Variants in ZNF518B observed in about 807,000 individuals in gnomAD.
The protein encoded by ZNF518B is zinc finger protein 518B.
Under a neutral mutation model 56.3 loss-of-function variants are expected in ZNF518B, and 23 were observed. That is an observed-to-expected ratio of 0.41 (90% CI 0.29 to 0.58). The LOEUF (loss-of-function observed/expected upper bound fraction) is 0.58, where lower values mean the gene tolerates loss of function less well. ZNF518B is among the 20% of genes least tolerant of loss of function. ZNF518B has a pLI of 0.32. For missense variants in ZNF518B, 1,460 were observed against 1,272.1 expected, an observed-to-expected ratio of 1.15 and a Z score of -2.25; for synonymous variants, 529 against 465.9, an observed-to-expected ratio of 1.14 and a Z score of -1.74.
chr4:10,444,728 G>C lies in ZNF518B; in HGVS notation c.1601C>G (p.Pro534Arg), dbSNP rs752835515. Reference sequence around the variant, plus strand: ...TTCTCCAGAGAAGGAACAGGTTGCAGGTGATGCAGCAAATGGGAGTAACTG... The same window carrying C: ...TTCTCCAGAGAAGGAACAGGTTGCACGTGATGCAGCAAATGGGAGTAACTG... ...SQQLLPFAAS[P>R]ATCSFSGEKG... is the part of the protein sequence containing the mutation. The change falls in exon 3 of 3, where the codon CCT (proline) becomes CGT (arginine). Residue 534 changes from proline (P) to arginine (R), a missense_variant. Transcript: ENST00000326756. 3 of 1,614,188 alleles carry C rather than the reference G, an allele frequency of 1.9e-6. No individual in the cohort carries two copies. The highest frequency in any genetic ancestry group is 1.1e-5 in the South Asian group (1 of 91,082).
At chr4:10,460,328 A>C (rs1401301520), upstream of ZNF518B, among the ~76,000 whole-genome samples, 21 of 142,490 alleles carry the variant, frequency 1.5e-4, no homozygotes, top group Admixed American at 4.8e-4. Flanking sequence ...AAAAAACCAA[A>C]AAAAAAAAAA....
Position 10,445,057 on chromosome 4 carries a change from T to A in ZNF518B, c.1272A>T (p.Ser424=). Residue 424 remains serine (S), a synonymous_variant, in exon 3 of 3, where the codon TCA becomes TCT. Transcript: ENST00000326756. ...TCACATTTTTAAGCTGTTTCTGAAC[T>A]GAAGGTTGAAAACTATCAATGCCTA... The part of the protein sequence containing the change: ...KLVGIDSFQP[S]VQKQLKNVKW... 6.2e-7 allele frequency: 1 copy of A among 1,614,240 alleles called. No homozygotes were observed.
chr4:10,444,716 G>T lies in ZNF518B; in HGVS notation c.1613C>A (p.Ser538Tyr). The T allele has an allele frequency of 1.9e-6, 3 of 1,614,146 alleles. No individual in the cohort carries two copies. In the South Asian group the frequency reaches 3.3e-5, roughly 18 times the overall value. ...LPFAASPATCSFSGEKGLLPV... is the reference protein window; with the variant it reads ...LPFAASPATCYFSGEKGLLPV... ...CAATAAGCCCTTTTCTCCAGAGAAGGAACAGGTTGCAGGTGATGCAGCAAA... is the reference window on the plus strand; with the variant it reads ...CAATAAGCCCTTTTCTCCAGAGAAGTAACAGGTTGCAGGTGATGCAGCAAA... Residue 538 changes from serine (S) to tyrosine (Y), a missense_variant, in exon 3 of 3, where the codon TCC becomes TAC. Physicochemically the swap from Ser to Tyr is moderately radical, Grantham distance 144. Coordinates refer to ENST00000326756, the MANE Select transcript of ZNF518B (RefSeq NM_053042.3).
chr4:10,443,089 A>G lies in ZNF518B; in HGVS notation c.*15T>C. 1 of 1,595,140 alleles carries G rather than the reference A, an allele frequency of 6.3e-7. No individual in the cohort carries two copies. The highest frequency in any genetic ancestry group is 8.5e-7 in the Non-Finnish European group (1 of 1,170,996). On this transcript the variant is annotated 3_prime_UTR_variant, in exon 3 of 3. Transcript: ENST00000326756. The stretch of plus-strand genomic sequence containing the variant: ...TAAACTAAAAGATAACTTGCTTTAA[A>G]GAGTAACTGTTTACTTATTTGCCCT...
At position 10,441,708 on chromosome 4, in the gene ZNF518B, C is replaced by T. The variant is rs2108980723; in HGVS notation, c.*1396G>A. ...GCACTGACCCAGCCACCTATCTGCC[C>T]AAGAGGCTGTGCTTGTGCAGGGGGT... On this transcript the variant is annotated 3_prime_UTR_variant, in exon 3 of 3. Transcript: ENST00000326756. The T allele has an allele frequency of 6.6e-6, 1 of 152,394 alleles. No individual in the cohort carries two copies. Among genetic ancestry groups the T allele is most frequent in the East Asian group, 1.9e-4 (1 of 5,180 alleles). 9.4% of individuals were successfully genotyped at this position (152,394 alleles called of 1,614,324 possible). A position where few individuals can be genotyped will look rare whatever the true frequency, so the allele number is the denominator to read the frequency against.
At position 10,443,826 on chromosome 4, in the gene ZNF518B, T is replaced by C. The variant is rs145124580; in HGVS notation, c.2503A>G (p.Met835Val). 6.2e-7 allele frequency: 1 copy of C among 1,614,228 alleles called. No homozygotes were observed. The highest frequency in any genetic ancestry group is 1.3e-5 in the African/African-American group (1 of 75,056). The change falls in exon 3 of 3, where the codon ATG becomes GTG. Residue 835 changes from methionine (M) to valine (V), a missense_variant. Physicochemically the swap from Met to Val is conservative, Grantham distance 21. Coordinates refer to ENST00000326756, the MANE Select transcript of ZNF518B (RefSeq NM_053042.3). The part of the protein sequence containing the change: ...PLRSERGPID[M>V]SPNIETPLRP... ...AGAGGTGTCTCGATATTTGGGGACA[T>C]ATCTATTGGCCCCCTTTCACTTCTT...
Position 10,445,955 on chromosome 4 carries a change from A to G in ZNF518B, c.374T>C (p.Phe125Ser), listed in dbSNP as rs759225798. 6.2e-7 allele frequency: 1 copy of G among 1,614,158 alleles called. No individual in the cohort carries two copies. The highest frequency in any genetic ancestry group is 8.5e-7 in the Non-Finnish European group (1 of 1,180,028). ...GCCTGGCTTAAAGTTCCTTACCTTA[A>G]ATTTGCTATTGACAGAACTTGAGAA... Reference protein sequence around the residue: ...ENFSSSVNSKFKVRNFKPGKY... With the variant: ...ENFSSSVNSKSKVRNFKPGKY... The change falls in exon 3 of 3, where the codon TTT (phenylalanine) becomes TCT (serine). Residue 125 changes from phenylalanine to serine, a missense_variant. Coordinates refer to ENST00000326756, the MANE Select transcript of ZNF518B (RefSeq NM_053042.3).
Position 10,440,288 on chromosome 4 carries a change from G to C in ZNF518B, c.*2816C>G, listed in dbSNP as rs11552369. ...TCTATCAGAGTATACTTTGGGTCAG[G>C]TTTTTTTTTTTTAACTTTTACTGTA... On this transcript the variant is annotated 3_prime_UTR_variant, in exon 3 of 3. Coordinates refer to ENST00000326756, the MANE Select transcript of ZNF518B (RefSeq NM_053042.3). The C allele has an allele frequency of 4.7e-4, 71 of 149,912 alleles. No homozygotes were observed. The highest frequency in any genetic ancestry group is 1.3e-3 in the African/African-American group (53 of 40,574). 9.3% of individuals were successfully genotyped at this position (149,912 alleles called of 1,614,324 possible).
chr4:10,440,855 G>A lies in ZNF518B; in HGVS notation c.*2249C>T, dbSNP rs1714642108. 1 of 152,044 alleles carries A rather than the reference G, an allele frequency of 6.6e-6. No homozygotes were observed. The highest frequency in any genetic ancestry group is 2.1e-4 in the South Asian group (1 of 4,826). 9.4% of individuals were successfully genotyped at this position (152,044 alleles called of 1,614,324 possible). ...GTGAGGAATAGGAGATAAAAAAGTG[G>A]CAAACAAAACAAAACAAAAAAAAAC... On this transcript the variant is annotated 3_prime_UTR_variant, in exon 3 of 3. Coordinates refer to ENST00000326756, the MANE Select transcript of ZNF518B (RefSeq NM_053042.3).
chr4:10,460,678 G>T (rs1421288980), upstream of ZNF518B, among the ~76,000 whole-genome samples: 1 of 152,152 alleles, frequency 6.6e-6, no homozygotes, highest in Non-Finnish European at 1.5e-5. Context: ...GGGAGCTTGG[G>T]GCTCAGAGGA....
chr4:10,452,542 GGAT>G (rs944644204), intron 2 of ZNF518B: 2 of 152,132 alleles, frequency 1.3e-5, no homozygotes, highest in African/African-American at 2.4e-5. Flanking sequence ...TTCCCCAGTA[GGAT>G]GATATTGAGG....
intron 2 of ZNF518B, among the ~76,000 whole-genome samples, chr4:10,449,103 A>G (rs1715193829): frequency 6.6e-6 from 1 of 152,226 alleles, no homozygotes; most frequent in Non-Finnish European, 1.5e-5. Context: ...AAAACGGAAA[A>G]GCTGCAGCAG....
chr4:10,455,962 A>C (rs1715508088), intron 1 of ZNF518B, among the ~76,000 whole-genome samples: 1 of 152,222 alleles, frequency 6.6e-6, no homozygotes, highest in Admixed American at 6.5e-5. Flanking sequence ...TACTGACATC[A>C]TATGCTGGGC....
At position 10,446,432 on chromosome 4, in the gene ZNF518B, C is replaced by T; in HGVS notation, c.-104G>A. The stretch of plus-strand genomic sequence containing the variant: ...ATACAGTTTGTGATGGGTAGGGGCG[C>T]AGCTACTTCTTGGGTGCATACTTAA... On this transcript the variant is annotated 5_prime_UTR_variant, in exon 3 of 3. Coordinates refer to ENST00000326756, the MANE Select transcript of ZNF518B (RefSeq NM_053042.3). 9.1e-7 allele frequency: 1 copy of T among 1,094,574 alleles called. No individual in the cohort carries two copies. The highest frequency in any genetic ancestry group is 1.3e-6 in the Non-Finnish European group (1 of 750,330). The allele number at this position is 1,094,574 out of a possible 1,614,324, so 67.8% of individuals were successfully genotyped here. A position where few individuals can be genotyped will look rare whatever the true frequency, so the allele number is the denominator to read the frequency against.
At chr4:10,447,367 A>C (rs1478032137) in intron 2 of ZNF518B, among the ~76,000 whole-genome samples, 2 of 152,100 alleles carry the variant, frequency 1.3e-5, no homozygotes, top group Non-Finnish European at 2.9e-5. Context: ...CTGAGCAGAG[A>C]CCTGGGGGCA....
upstream of ZNF518B, chr4:10,457,444 G>A (rs1409599747): frequency 2.6e-5 from 4 of 152,176 alleles, no homozygotes; most frequent in Non-Finnish European, 5.9e-5. Context: ...CCCCGCGCGT[G>A]CGCAATGTGA....
rs1242227185 is a variant in ZNF518B at position 10,446,478 on chromosome 4, C to A, written c.-150G>T. On this transcript the variant is annotated 5_prime_UTR_variant, in exon 3 of 3. Transcript: ENST00000326756. ...CTTAATTATCTTTCTTTATATACTG[C>A]CGCAGTAGGTGCATGATCCCAAAAT... 4 of 708,676 alleles carry A rather than the reference C, an allele frequency of 5.6e-6. No individual in the cohort carries two copies. In the African/African-American group the frequency reaches 7.1e-5, roughly 13 times the overall value. The allele number at this position is 708,676 out of a possible 1,614,324, so 43.9% of individuals were successfully genotyped here.
chr4:10,459,170 G>T (rs113503295), upstream of ZNF518B, among the ~76,000 whole-genome samples: 101 of 152,250 alleles, frequency 6.6e-4, no homozygotes, highest in African/African-American at 2.4e-3. Context: ...AGCAAGTCAG[G>T]ACTTATCACA....
chr4:10,451,309 T>G (rs946346290), intron 2 of ZNF518B: 1 of 152,204 alleles, frequency 6.6e-6, no homozygotes, highest in Non-Finnish European at 1.5e-5. Flanking sequence ...ACTGGAAACA[T>G]CTAATGCTCA....
Sources: allele counts gnomAD v4.1 joint callset (sites outside exome capture counted in the v4.1 genomes callset), GRCh38; gene constraint gnomAD v4.1.1; transcripts MANE v1.5; gene names NCBI Gene and HGNC (gene_info 2026-07-23, HGNC 2026-07-21).